The following FYB2 variants were observed in gnomAD, a reference collection of about 807,000 sequenced individuals.
The protein encoded by FYB2 is FYN-binding protein 2.
A neutral mutation model predicts 94.1 loss-of-function variants in FYB2; 103 were observed. The ratio of observed to expected loss-of-function variants is 1.09; its 90% CI spans 0.93 to 1.29. The LOEUF (loss-of-function observed/expected upper bound fraction) is 1.29. Ranked by LOEUF, FYB2 falls within the 50% of genes most tolerant of loss-of-function variation. FYB2 has a pLI of 0.00. For synonymous variants in FYB2, 293 were observed against 287.9 expected, an observed-to-expected ratio of 1.02 and a Z score of -0.18; for missense variants, 896 against 841.5, an observed-to-expected ratio of 1.06 and a Z score of -0.80.
At chr1:56,823,147 A>G (rs1484202114), upstream of FYB2, among the ~76,000 whole-genome samples, 2 of 152,174 alleles carry the variant, frequency 1.3e-5, no homozygotes, top group Non-Finnish European at 1.5e-5. Context: ...TGGTTGATGA[A>G]TGAAGAAAGT....
Position 56,811,929 on chromosome 1 carries a change from AT to A in FYB2, c.9+7352del, listed in dbSNP as rs35064660. On this transcript the variant is annotated intron_variant, in intron 1 of 19. Transcript: ENST00000343433. ...CAGTTGTTAAAAACCTTTCCTAACC[AT>A]TTTTTTTTCCTTTTTCTTTCTTGCC... Among the ~76,000 whole-genome samples, 15 of 150,762 alleles carry A rather than the reference AT, an allele frequency of 9.9e-5. No homozygotes were observed. In the East Asian group the frequency reaches 1.6e-3, roughly 16 times the overall value.
In FYB2 at chr1:56,792,376, A is replaced by G. The variant is rs1376362452; in HGVS notation, c.437T>C (p.Val146Ala). 6.2e-7 allele frequency: 1 copy of G among 1,613,882 alleles called. No individual in the cohort carries two copies. ...FRNKLWNWEKVSSQKSEMSSA... is the reference protein window; with the variant it reads ...FRNKLWNWEKASSQKSEMSSA... ...AGACATTTCACTTTTCTGAGATGAA[A>G]CCTTCTCCCAGTTCCAGAGTTTGTT... The change falls in exon 2 of 20, where the codon GTT (valine) becomes GCT (alanine). Residue 146 changes from valine (V) to alanine (A), a missense_variant. Coordinates refer to ENST00000343433, the MANE Select transcript of FYB2 (RefSeq NM_001004303.5).
At chr1:56,785,838 C>T (rs1646122114) in intron 4 of FYB2, among the ~76,000 whole-genome samples, 1 of 152,188 alleles carries the variant, frequency 6.6e-6, no homozygotes, top group African/African-American at 2.4e-5. Flanking sequence ...TTGACTGGAT[C>T]AATACCCCAT....
intron 1 of FYB2, among the ~76,000 whole-genome samples, chr1:56,805,036 A>AT (rs779199891): frequency 5.9e-5 from 9 of 152,086 alleles, no homozygotes; most frequent in Non-Finnish European, 8.8e-5. Context: ...ATCTTTTGAG[A>AT]TTTTTTAGCT....
rs373737767 is a variant in FYB2 at position 56,799,053 on chromosome 1, A to G, written c.10-6250T>C. Among the ~76,000 whole-genome samples, 53 of 152,222 alleles carry G rather than the reference A, an allele frequency of 3.5e-4. No individual in the cohort carries two copies. In the South Asian group the frequency reaches 0.011, roughly 31 times the overall value. ...TTCAGAGATAACTATATTTTTTTCT[A>G]TCCTCATCATCCTTAACAACACTTA... On this transcript the variant is annotated intron_variant, in intron 1 of 19. Transcript: ENST00000343433.
intron 15 of FYB2, among the ~76,000 whole-genome samples, chr1:56,727,181 A>G (rs1040687566): frequency 7.2e-5 from 11 of 152,238 alleles, no homozygotes; most frequent in African/African-American, 2.4e-4. Context: ...TATTGCAACA[A>G]TCCTTTAAAC....
At position 56,726,495 on chromosome 1, in the gene FYB2, AC is replaced by A; in HGVS notation, c.1880+1del. ...ATAATAGAAGTGCCTCTGTGTTCCC[AC>A]CTTTCTGATTCTTCAGCACCGTTTT... On this transcript the variant is annotated splice_donor_variant, in intron 16 of 19. Coordinates refer to ENST00000343433, the MANE Select transcript of FYB2 (RefSeq NM_001004303.5). LOFTEE classifies it high-confidence loss of function. 1 of 1,610,794 alleles carries A rather than the reference AC, an allele frequency of 6.2e-7. No individual in the cohort carries two copies. Among genetic ancestry groups the A allele is most frequent in the Non-Finnish European group, 8.5e-7 (1 of 1,178,386 alleles).
At chr1:56,759,571 T>C (rs1369262050) in intron 5 of FYB2, among the ~76,000 whole-genome samples, 2 of 152,192 alleles carry the variant, frequency 1.3e-5, no homozygotes, top group Non-Finnish European at 2.9e-5. Context: ...CACGGCTGGA[T>C]ACACAATTCA....
intron 15 of FYB2, among the ~76,000 whole-genome samples, chr1:56,736,294 A>G (rs1644828742): frequency 6.6e-6 from 1 of 152,124 alleles, no homozygotes; most frequent in African/African-American, 2.4e-5. Context: ...ATAATAGGAA[A>G]CCTAATTGCA....
At chr1:56,822,797 G>A (rs953922699), upstream of FYB2, among the ~76,000 whole-genome samples, 2 of 150,986 alleles carry the variant, frequency 1.3e-5, no homozygotes, top group Admixed American at 6.6e-5. Flanking sequence ...GGGAAATCAC[G>A]TGTCCTCACC....
chr1:56,761,571 T>C (rs1351525461), intron 5 of FYB2, among the ~76,000 whole-genome samples: 1 of 152,234 alleles, frequency 6.6e-6, no homozygotes, highest in African/African-American at 2.4e-5. Context: ...CTATATGACC[T>C]CTGAGGACAA....
chr1:56,731,962 A>C (rs1644721279), intron 15 of FYB2: 1 of 152,162 alleles, frequency 6.6e-6, no homozygotes, highest in African/African-American at 2.4e-5. Flanking sequence ...CTTATTCAAC[A>C]AAGTACTAGA....
intron 1 of FYB2, among the ~76,000 whole-genome samples, chr1:56,801,615 T>G (rs1431252870): frequency 2.0e-5 from 3 of 152,118 alleles, no homozygotes; most frequent in Non-Finnish European, 4.4e-5. Flanking sequence ...CTCCACCACA[T>G]CAATCTCAAG....
At chr1:56,722,430 G>A (rs1306744282) in intron 17 of FYB2, among the ~76,000 whole-genome samples, 1 of 152,080 alleles carries the variant, frequency 6.6e-6, no homozygotes, top group East Asian at 1.9e-4. Flanking sequence ...TTTAATGTGT[G>A]ATAAGCTAGA....
upstream of FYB2, among the ~76,000 whole-genome samples, chr1:56,820,804 C>A (rs879444801): frequency 1.3e-5 from 2 of 152,182 alleles, no homozygotes; most frequent in African/African-American, 2.4e-5. Flanking sequence ...TAAGATGTAC[C>A]TTTTACATCC....
chr1:56,798,508 A>C (rs1416416623), intron 1 of FYB2, among the ~76,000 whole-genome samples: 2 of 152,184 alleles, frequency 1.3e-5, no homozygotes, highest in Non-Finnish European at 2.9e-5. Context: ...ACCAGAGTAA[A>C]ATAGTTAGAA....
chr1:56,770,434 C>A (rs773507244), intron 4 of FYB2, among the ~76,000 whole-genome samples: 1 of 152,096 alleles, frequency 6.6e-6, no homozygotes, highest in Non-Finnish European at 1.5e-5. Flanking sequence ...GAAGATAATA[C>A]AATTTTGAAA....
At chr1:56,791,887 C>G (rs1446560903) in intron 2 of FYB2, among the ~76,000 whole-genome samples, 169 bp downstream of exon 2, 1 of 152,158 alleles carries the variant, frequency 6.6e-6, no homozygotes, top group African/African-American at 2.4e-5. Context: ...AAGCACTTTA[C>G]TCAAACCCGA....
intron 13 of FYB2, among the ~76,000 whole-genome samples, chr1:56,740,233 G>A (rs760962322): frequency 7.2e-5 from 11 of 151,972 alleles, no homozygotes; most frequent in Admixed American, 3.3e-4. Flanking sequence ...TGCAATACAC[G>A]AACTGTTCAG....
Sources: allele counts gnomAD v4.1 joint callset (sites outside exome capture counted in the v4.1 genomes callset), GRCh38; gene constraint gnomAD v4.1.1; transcripts MANE v1.5; gene names NCBI Gene and HGNC (gene_info 2026-07-23, HGNC 2026-07-21).